Variants in PLCE1 observed in about 807,000 individuals in gnomAD.
The protein encoded by PLCE1 is 1-phosphatidylinositol 4,5-bisphosphate phosphodiesterase epsilon-1.
Under a neutral mutation model 242.8 loss-of-function variants are expected in PLCE1, and 119 were observed. The ratio of observed to expected loss-of-function variants is 0.49; its 90% CI spans 0.42 to 0.57. The LOEUF is 0.57. Ranked by LOEUF, PLCE1 falls within the 20% of genes least tolerant of loss-of-function variation. PLCE1 has a pLI of 0.00. For synonymous variants in PLCE1, 945 were observed against 1,017.4 expected (o/e 0.93, Z 1.35); for missense variants, 2,441 against 2,788.8 (o/e 0.88, Z 2.81).
chr10:94,162,244 C>T (rs2047641860), intron 3 of PLCE1, among the ~76,000 whole-genome samples: 1 of 152,162 alleles, frequency 6.6e-6, no homozygotes, highest in South Asian at 2.1e-4. Context: ...CCAGCTCCTC[C>T]TTGTACCTCT....
chr10:94,026,682 T>G (rs1228132557), intron 1 of PLCE1, among the ~76,000 whole-genome samples: 1 of 152,178 alleles, frequency 6.6e-6, no homozygotes, highest in African/African-American at 2.4e-5. Context: ...ATATATTTCA[T>G]CTCAATATTA....
rs114820629 is a variant in PLCE1 at position 94,010,565 on chromosome 10, T to C, written c.-365+16307T>C. Among the ~76,000 whole-genome samples, 1,296 of 152,326 alleles carry C rather than the reference T, an allele frequency of 8.5e-3. 15 individuals are homozygous for C. Among genetic ancestry groups the C allele is most frequent in the African/African-American group, 0.03 (1,228 of 41,564 alleles). The stretch of plus-strand genomic sequence containing the variant: ...TCCAAACTTTTATACTCTGTTTCCC[T>C]TTTAAATAAGAGTTCGAACTTTAAG... On this transcript the variant is annotated intron_variant, in intron 1 of 32. Coordinates refer to ENST00000371380, the MANE Select transcript of PLCE1 (RefSeq NM_016341.4).
intron 4 of PLCE1, chr10:94,227,040 C>A (rs1055163487): frequency 5.3e-6 from 2 of 378,846 alleles, no homozygotes; most frequent in Admixed American, 3.7e-5. Context: ...CCATGCCCAG[C>A]TAATTTTTGT....
At chr10:94,261,712 G>A (rs1395372851) in intron 13 of PLCE1, among the ~76,000 whole-genome samples, 1 of 152,098 alleles carries the variant, frequency 6.6e-6, no homozygotes, top group South Asian at 2.1e-4. Context: ...TTCTTACTAA[G>A]CTAAACATAT....
intron 5 of PLCE1, among the ~76,000 whole-genome samples, chr10:94,231,740 A>G (rs1042802660): frequency 3.3e-5 from 5 of 152,186 alleles, no homozygotes; most frequent in Non-Finnish European, 7.3e-5. Flanking sequence ...ACATCAGATC[A>G]TCAGGCATTA....
chr10:94,068,874 AC>A (rs1263959559), intron 2 of PLCE1, among the ~76,000 whole-genome samples: 2 of 152,232 alleles, frequency 1.3e-5, no homozygotes, highest in Non-Finnish European at 2.9e-5. Flanking sequence ...TTAATTTGTT[AC>A]ATGCCTATCT....
At position 94,015,677 on chromosome 10, in the gene PLCE1, G is replaced by A. The variant is rs544762394; in HGVS notation, c.-364-15006G>A. On this transcript the variant is annotated intron_variant, in intron 1 of 32. Coordinates refer to ENST00000371380, the MANE Select transcript of PLCE1 (RefSeq NM_016341.4). ...GGCTCAGGAGAAAGGAAGGTAATGG[G>A]AGCCTGGGAATGATAAACAGGACTC... Among the ~76,000 whole-genome samples the A allele has an allele frequency of 2.6e-5, 4 of 152,264 alleles. No homozygotes were observed. In the South Asian group the frequency reaches 8.3e-4, roughly 32 times the overall value.
rs541058206 is a variant in PLCE1 at position 94,078,785 on chromosome 10, C to T, written c.1206+46533C>T. 1.4e-4 allele frequency among the ~76,000 whole-genome samples: 21 copies of T among 152,306 alleles called. 1 individual carries two copies. The highest frequency in any genetic ancestry group is 5.1e-4 in the African/African-American group (21 of 41,578). ...GGCGTGAGCCACCATGTGTGGCCTGCTCATTCTTTAAAAGATTGGCAATAG... is the reference window on the plus strand; with the variant it reads ...GGCGTGAGCCACCATGTGTGGCCTGTTCATTCTTTAAAAGATTGGCAATAG... On this transcript the variant is annotated intron_variant, in intron 2 of 32. Coordinates refer to ENST00000371380, the MANE Select transcript of PLCE1 (RefSeq NM_016341.4).
intron 2 of PLCE1, among the ~76,000 whole-genome samples, chr10:94,037,002 T>TA: frequency 6.6e-6 from 1 of 152,200 alleles, no homozygotes; most frequent in East Asian, 1.9e-4. Context: ...AAACAAAGAA[T>TA]AAAAATGTAA....
intron 3 of PLCE1, among the ~76,000 whole-genome samples, chr10:94,160,794 G>A (rs1418044238): frequency 6.6e-6 from 1 of 152,148 alleles, no homozygotes; most frequent in Non-Finnish European, 1.5e-5. Flanking sequence ...TAAGGTGTAA[G>A]GAAGGCATCC....
At chr10:94,170,768 A>G (rs576705247) in intron 3 of PLCE1, among the ~76,000 whole-genome samples, 2 of 152,266 alleles carry the variant, frequency 1.3e-5, no homozygotes, top group Non-Finnish European at 2.9e-5. Flanking sequence ...ATTCTTCACC[A>G]CACAGCCTTC....
At chr10:94,313,163 C>T (rs1212581861) in intron 27 of PLCE1, 91 bp from the exon 28 acceptor site, 7 of 1,467,772 alleles carry the variant, frequency 4.8e-6, no homozygotes, top group East Asian at 4.5e-5. Context: ...TGTTCCTATC[C>T]GTACTTCTAA....
In PLCE1 at chr10:94,132,202, C is replaced by T. The variant is rs757784218; in HGVS notation, c.1235C>T (p.Thr412Ile). 1.2e-6 allele frequency: 2 copies of T among 1,614,060 alleles called. No individual in the cohort carries two copies. The highest frequency in any genetic ancestry group is 2.2e-5 in the South Asian group (2 of 91,070). ...PIYNAVRREE[T>I]ENTVGSLLHF... is the part of the protein sequence containing the mutation. ...TACAATGCAGTGAGAAGAGAAGAAACAGAAAATACAGTTGGATCTCTACTC... is the reference window on the plus strand; with the variant it reads ...TACAATGCAGTGAGAAGAGAAGAAATAGAAAATACAGTTGGATCTCTACTC... The change falls in exon 3 of 33, where the codon ACA becomes ATA. Residue 412 changes from threonine to isoleucine, a missense_variant. By Grantham distance (89) the Thr-to-Ile change is moderately conservative (BLOSUM62 -1). Transcript: ENST00000371380.
chr10:94,219,476 CA>C (rs1259698015), intron 4 of PLCE1, among the ~76,000 whole-genome samples: 1 of 152,098 alleles, frequency 6.6e-6, no homozygotes, highest in African/African-American at 2.4e-5. Flanking sequence ...CATATCTTTA[CA>C]GTTTATGATT....
chr10:94,154,646 A>G lies in PLCE1; in HGVS notation c.1493-16534A>G, dbSNP rs147189121. ...AACACAATTCAAAAATGGGCAAAGG[A>G]CTTGAATCGATGTTTCTCTAAAGAA... On this transcript the variant is annotated intron_variant, in intron 3 of 32. Coordinates refer to ENST00000371380, the MANE Select transcript of PLCE1 (RefSeq NM_016341.4). 6.8e-4 allele frequency among the ~76,000 whole-genome samples: 104 copies of G among 152,266 alleles called. No homozygotes were observed. The East Asian group carries it at 9.8e-3, about 14-fold the overall frequency.
intron 4 of PLCE1, among the ~76,000 whole-genome samples, chr10:94,210,646 T>C (rs954162064): frequency 2.0e-5 from 3 of 152,210 alleles, no homozygotes; most frequent in African/African-American, 7.2e-5. Flanking sequence ...TTTGTGCCTG[T>C]TGAGCTGTTA....
intron 10 of PLCE1, 43 bp from the exon 11 acceptor site, chr10:94,254,850 A>G (rs191083836): frequency 1.2e-6 from 2 of 1,606,918 alleles, no homozygotes; most frequent in East Asian, 2.2e-5. Context: ...GAGGGAAAGT[A>G]TAATCTGAGT....
chr10:94,159,793 G>T (rs557677104), intron 3 of PLCE1, among the ~76,000 whole-genome samples: 1 of 151,814 alleles, frequency 6.6e-6, no homozygotes, highest in Admixed American at 6.6e-5. Context: ...AACAGGCCCC[G>T]ATGTGTGATG....
At chr10:94,032,746 A>T (rs2134511058) in intron 2 of PLCE1, among the ~76,000 whole-genome samples, 1 of 152,242 alleles carries the variant, frequency 6.6e-6, no homozygotes, top group East Asian at 1.9e-4. Context: ...TGATGTTTTT[A>T]AATGAATCAG....
Sources: allele counts gnomAD v4.1 joint callset (sites outside exome capture counted in the v4.1 genomes callset), GRCh38; gene constraint gnomAD v4.1.1; transcripts MANE v1.5; gene names NCBI Gene and HGNC (gene_info 2026-07-23, HGNC 2026-07-21).